PPIP5K2: variants seen among roughly 807,000 people sequenced by gnomAD.
PPIP5K2 encodes the protein inositol hexakisphosphate and diphosphoinositol-pentakisphosphate kinase 2.
A neutral mutation model predicts 154.6 loss-of-function variants in PPIP5K2; 105 were observed. That is an observed-to-expected ratio of 0.68 (90% CI 0.58 to 0.80). The LOEUF (loss-of-function observed/expected upper bound fraction) is 0.80. Among genes scored for constraint, PPIP5K2 ranks in the 30% least tolerant of loss-of-function variants. The probability of loss-of-function intolerance (pLI) is 0.00; values close to 1 mark genes in which losing one functional copy is unlikely to be tolerated. For synonymous variants in PPIP5K2, 480 were observed against 490.3 expected, an observed-to-expected ratio of 0.98 and a Z score of 0.28; for missense variants, 992 against 1,504.6, an observed-to-expected ratio of 0.66 and a Z score of 5.64.
chr5:103,191,137 G>A lies in PPIP5K2; in HGVS notation c.3493+155G>A, dbSNP rs892393261. 2.7e-5 allele frequency: 16 copies of A among 586,450 alleles called. No homozygotes were observed. The Admixed American group carries it at 5.1e-4, about 19-fold the overall frequency. The allele number at this position is 586,450 out of a possible 1,614,324, so 36.3% of individuals were successfully genotyped here. A position where few individuals can be genotyped will look rare whatever the true frequency, so the allele number is the denominator to read the frequency against. The stretch of plus-strand genomic sequence containing the variant: ...GGGACATTATTAGGAATTCTTTGGT[G>A]TAATGTGAACTGTACCTCTTTTTTT... On this transcript the variant is annotated intron_variant, in intron 29 of 30. Coordinates refer to ENST00000358359, the MANE Select transcript of PPIP5K2 (RefSeq NM_001276277.3).
chr5:103,188,872 T>A (rs1554225967), intron 28 of PPIP5K2: 1 of 274,852 alleles, frequency 3.6e-6, no homozygotes, highest in Non-Finnish European at 6.7e-6. Flanking sequence ...TTTTTAAAAA[T>A]GTGGGTTTTC....
At position 103,154,852 on chromosome 5, in the gene PPIP5K2, C is replaced by T. The variant is rs782780233; in HGVS notation, c.1312C>T (p.Arg438Ter). Residue 438 changes from arginine (R) to a stop codon, truncating the protein, a stop_gained, in exon 13 of 31, where the codon CGA (arginine) becomes TGA (stop). Coordinates refer to ENST00000358359, the MANE Select transcript of PPIP5K2 (RefSeq NM_001276277.3). LOFTEE classifies it high-confidence loss of function. ...TTTATAGGAAGTGCTAGATATTGCA[C>T]GACAGCTTCTTATGGAGCTAGGGCA... ...KQLQEVLDIARQLLMELGQNN... is the reference protein window; with the variant it reads ...KQLQEVLDIA 8.2e-6 allele frequency: 13 copies of T among 1,595,078 alleles called. No individual in the cohort carries two copies. The highest frequency in any genetic ancestry group is 2.7e-5 in the African/African-American group (2 of 73,828).
At chr5:103,172,259 A>G (rs1798087322) in intron 19 of PPIP5K2, among the ~76,000 whole-genome samples, 1 of 151,642 alleles carries the variant, frequency 6.6e-6, no homozygotes, top group South Asian at 2.1e-4. Context: ...CTTTAGTTTA[A>G]GGTAAATGAC....
intron 10 of PPIP5K2, among the ~76,000 whole-genome samples, chr5:103,153,193 C>T (rs1554211896): frequency 4.0e-5 from 6 of 151,460 alleles, no homozygotes; most frequent in Non-Finnish European, 8.9e-5. Context: ...TGTTAAATAT[C>T]CTGAGATGTA....
At position 103,133,435 on chromosome 5, in the gene PPIP5K2, G is replaced by T. The variant is rs1554203228; in HGVS notation, c.115-18G>T. 9.4e-6 allele frequency: 15 copies of T among 1,590,640 alleles called. No homozygotes were observed. The Admixed American group carries it at 1.5e-4, about 16-fold the overall frequency. On this transcript the variant is annotated intron_variant, in intron 2 of 30. Transcript: ENST00000358359. ...TCATGTAAAGTTAACCCGATTTTTT[G>T]TTTCATTTTTGTTTTAGCCACCAGA...
intron 14 of PPIP5K2, among the ~76,000 whole-genome samples, chr5:103,157,849 G>T (rs1187239690): frequency 2.0e-5 from 3 of 152,168 alleles, no homozygotes; most frequent in African/African-American, 4.8e-5. Context: ...AGCAGACATA[G>T]CACAACTAAA....
At chr5:103,178,703 C>T (rs1799082196) in intron 23 of PPIP5K2, among the ~76,000 whole-genome samples, 1 of 151,530 alleles carries the variant, frequency 6.6e-6, no homozygotes, top group Non-Finnish European at 1.5e-5. Context: ...ATTGGGTCTT[C>T]TAGTCTAAGG....
At chr5:103,137,643 C>T (rs1170945941) in intron 4 of PPIP5K2, among the ~76,000 whole-genome samples, 1 of 152,098 alleles carries the variant, frequency 6.6e-6, no homozygotes, top group Non-Finnish European at 1.5e-5. Flanking sequence ...ATCTCACCAG[C>T]ATTCTATTTT....
chr5:103,186,463 G>C (rs782671952), intron 27 of PPIP5K2, 24 bp downstream of exon 27: 15 of 1,613,240 alleles, frequency 9.3e-6, no homozygotes, highest in Middle Eastern at 1.7e-4. Context: ...TGCACACACA[G>C]ATTCATACCT....
rs183148611 is a variant in PPIP5K2 at position 103,144,495 on chromosome 5, C to T, written c.488-2032C>T. 4.1e-3 allele frequency among the ~76,000 whole-genome samples: 619 copies of T among 152,244 alleles called. 7 individuals are homozygous for T. The highest frequency in any genetic ancestry group is 0.014 in the South Asian group (69 of 4,820). Reference sequence around the variant, plus strand: ...GCCAGCCTGAGCAAAAACAACAAAACTGGAGGAATCACATTATTTGACTTC... The same window carrying T: ...GCCAGCCTGAGCAAAAACAACAAAATTGGAGGAATCACATTATTTGACTTC... On this transcript the variant is annotated intron_variant, in intron 5 of 30. Transcript: ENST00000358359.
intron 1 of PPIP5K2, among the ~76,000 whole-genome samples, chr5:103,124,310 C>T (rs1056826025): frequency 1.3e-5 from 2 of 151,446 alleles, no homozygotes; most frequent in Non-Finnish European, 2.9e-5. Context: ...TCTTGTACTA[C>T]GACATATATC....
Position 103,154,927 on chromosome 5 carries a change from AAGACTGT to A in PPIP5K2, c.1389_1395del (p.Lys463AsnfsTer2). 6.3e-7 allele frequency: 1 copy of A among 1,594,680 alleles called. No individual in the cohort carries two copies. Among genetic ancestry groups the A allele is most frequent in the Non-Finnish European group, 8.5e-7 (1 of 1,171,342 alleles). ...AAACAAGCCAAAACTTGAACAACTT[AAGACTGT>A]ATTAGAGATGTGAGTATCTTTTTGA... On this transcript the variant is annotated frameshift_variant, in exon 13 of 31. Transcript: ENST00000358359. LOFTEE classifies it high-confidence loss of function.
At chr5:103,131,695 C>T (rs1790644938) in intron 2 of PPIP5K2, among the ~76,000 whole-genome samples, 1 of 152,058 alleles carries the variant, frequency 6.6e-6, no homozygotes, top group South Asian at 2.1e-4. Context: ...AGATCATTCT[C>T]CTGTTTTTAA....
At chr5:103,173,022 A>C in intron 19 of PPIP5K2, 133 bp from the exon 20 acceptor site, 3 of 649,094 alleles carry the variant, frequency 4.6e-6, no homozygotes, top group Non-Finnish European at 7.3e-6. Flanking sequence ...AAAAAATGCA[A>C]ACTCGGAGTT....
chr5:103,126,488 T>C (rs1789695944), intron 1 of PPIP5K2, among the ~76,000 whole-genome samples: 1 of 152,182 alleles, frequency 6.6e-6, no homozygotes, highest in African/African-American at 2.4e-5. Context: ...GAAAAGACTA[T>C]GTATTAGTCA....
In PPIP5K2 at chr5:103,135,580, C is replaced by T. The variant is rs76176214; in HGVS notation, c.311-1152C>T. ...CTGAAGGATAGAACTACAGGTTGCACCACTACCCTCAGCTGATTCTTTTGA... is the reference window on the plus strand; with the variant it reads ...CTGAAGGATAGAACTACAGGTTGCATCACTACCCTCAGCTGATTCTTTTGA... On this transcript the variant is annotated intron_variant, in intron 3 of 30. Transcript: ENST00000358359. Among the ~76,000 whole-genome samples, 826 of 152,234 alleles carry T rather than the reference C, an allele frequency of 5.4e-3. 11 individuals carry two copies. The highest frequency in any genetic ancestry group is 0.019 in the African/African-American group (785 of 41,536).
chr5:103,155,072 G>C (rs1554212706), intron 13 of PPIP5K2, 129 bp downstream of exon 13: 1 of 480,786 alleles, frequency 2.1e-6, no homozygotes, highest in African/African-American at 2.0e-5. Flanking sequence ...GTTGAGACAT[G>C]AAGGAAAATC....
In PPIP5K2 at chr5:103,208,963, A is replaced by C. The variant is rs1278248631; in HGVS notation, c.*7329A>C. The C allele has an allele frequency of 1.3e-5, 2 of 152,182 alleles. No individual in the cohort carries two copies. The highest frequency in any genetic ancestry group is 3.8e-4 in the East Asian group (2 of 5,196). 9.4% of individuals were successfully genotyped at this position (152,182 alleles called of 1,614,324 possible). On this transcript the variant is annotated 3_prime_UTR_variant, in exon 31 of 31. Coordinates refer to ENST00000358359, the MANE Select transcript of PPIP5K2 (RefSeq NM_001276277.3). ...ACTGGATATCATTTCTTTTGTGGTT[A>C]ATATTCTTTGACAAGAAGGAAGAGG...
intron 28 of PPIP5K2, among the ~76,000 whole-genome samples, chr5:103,187,877 C>T (rs1800645026): frequency 6.6e-6 from 1 of 152,020 alleles, no homozygotes; most frequent in African/African-American, 2.4e-5. Context: ...TGTATAACAT[C>T]GTCTGTTCCT....
Sources: gnomAD v4.1 joint callset for allele counts (sites outside exome capture counted in the v4.1 genomes callset) on GRCh38, gnomAD v4.1.1 for gene constraint, MANE v1.5 for transcripts, NCBI Gene and HGNC (gene_info 2026-07-23, HGNC 2026-07-21) for gene names.